TMEFF2: variants seen among roughly 807,000 people sequenced by gnomAD.
TMEFF2 encodes tomoregulin-2.
A neutral mutation model predicts 53.8 loss-of-function variants in TMEFF2; 28 were observed. The ratio of observed to expected loss-of-function variants is 0.52; its 90% CI spans 0.39 to 0.71. The LOEUF (loss-of-function observed/expected upper bound fraction) is 0.71. TMEFF2 is among the 30% of genes least tolerant of loss of function. The pLI is 0.00. For synonymous variants in TMEFF2, 162 were observed against 166.3 expected (o/e 0.97, Z 0.20); for missense variants, 353 against 455.2 (o/e 0.78, Z 2.04).
intron 4 of TMEFF2, among the ~76,000 whole-genome samples, chr2:192,077,490 T>C (rs1457645220): frequency 6.6e-6 from 1 of 152,164 alleles, no homozygotes; most frequent in African/African-American, 2.4e-5. Context: ...TTTATTTTTT[T>C]TCTTCCTCAA....
At chr2:192,072,609 T>A (rs968512456) in intron 4 of TMEFF2, among the ~76,000 whole-genome samples, 1 of 151,816 alleles carries the variant, frequency 6.6e-6, no homozygotes, top group Non-Finnish European at 1.5e-5. Context: ...CTGAAAAATA[T>A]GTGGTGTGAT....
chr2:192,116,934 G>A lies in TMEFF2; in HGVS notation c.440-59159C>T, dbSNP rs1235536989. 2.4e-5 allele frequency among the ~76,000 whole-genome samples: 3 copies of A among 124,192 alleles called. No homozygotes were observed. The South Asian group carries it at 8.3e-4, about 34-fold the overall frequency. 81.5% of individuals were successfully genotyped at this position (124,192 alleles called of 152,430 possible). ...ACATCTATGGCTCAATAGTCATTCA[G>A]AACAATGACATCTTATTTATATAGC... On this transcript the variant is annotated intron_variant, in intron 4 of 9. Transcript: ENST00000272771.
chr2:192,126,836 A>G (rs1689689897), intron 4 of TMEFF2, among the ~76,000 whole-genome samples: 1 of 146,724 alleles, frequency 6.8e-6, no homozygotes. Context: ...CTACAAAAAC[A>G]AAACAAAACA....
intron 5 of TMEFF2, among the ~76,000 whole-genome samples, chr2:192,033,629 A>G (rs1477210795): frequency 1.3e-5 from 2 of 151,702 alleles, no homozygotes; most frequent in African/African-American, 4.8e-5. Context: ...CCATCCATCA[A>G]TCCATCCAAA....
At position 191,950,346 on chromosome 2, in the gene TMEFF2, C is replaced by G. The variant is rs368718191; in HGVS notation, c.1090G>C (p.Asp364His). ...QKQNTGHYSS[D>H]NTTRASTRLI is the part of the protein sequence containing the mutation. The stretch of plus-strand genomic sequence containing the variant: ...CTCGTGGACGCTCTTGTTGTATTGT[C>G]TGAACTGTAGTGCCCTGTATTTTGC... Residue 364 changes from aspartate to histidine, a missense_variant, in exon 10 of 10, where the codon GAC becomes CAC. This residue lies in a region of TMEFF2 where 294 missense variants were observed against 397.3 expected (regional missense o/e 0.74). Transcript: ENST00000272771. 2 of 1,613,602 alleles carry G rather than the reference C, an allele frequency of 1.2e-6. No homozygotes were observed. Among genetic ancestry groups the G allele is most frequent in the African/African-American group, 2.7e-5 (2 of 74,816 alleles).
intron 2 of TMEFF2, among the ~76,000 whole-genome samples, chr2:192,190,858 T>C (rs1381217345): frequency 7.0e-6 from 1 of 143,402 alleles, no homozygotes; most frequent in Non-Finnish European, 1.5e-5. Flanking sequence ...AGGTCTAAAT[T>C]TGAGTTTATT....
Position 191,949,076 on chromosome 2 carries a change from A to C in TMEFF2, c.*1235T>G. 1.0e-6 allele frequency: 1 copy of C among 985,084 alleles called. No homozygotes were observed. The highest frequency in any genetic ancestry group is 1.2e-6 in the Non-Finnish European group (1 of 829,746). 61.0% of individuals were successfully genotyped at this position (985,084 alleles called of 1,614,324 possible). ...AGGAGACAAAGAGAGCTTTATTTAA[A>C]TTTACTGTGTTAGCCATGGAAAGCT... On this transcript the variant is annotated 3_prime_UTR_variant, in exon 10 of 10. Transcript: ENST00000272771.
intron 4 of TMEFF2, among the ~76,000 whole-genome samples, chr2:192,092,798 C>T (rs1255265287): frequency 2.0e-5 from 3 of 152,008 alleles, no homozygotes; most frequent in Non-Finnish European, 4.4e-5. Context: ...GGATGAAGGG[C>T]TATGAACCAA....
In TMEFF2 at chr2:191,949,116, G is replaced by GA. The variant is rs1691788790; in HGVS notation, c.*1194dup. 14 of 984,908 alleles carry GA rather than the reference G, an allele frequency of 1.4e-5. No homozygotes were observed. The highest frequency in any genetic ancestry group is 1.6e-5 in the Non-Finnish European group (13 of 829,730). The allele number at this position is 984,908 out of a possible 1,614,324, so 61.0% of individuals were successfully genotyped here. On this transcript the variant is annotated 3_prime_UTR_variant, in exon 10 of 10. Coordinates refer to ENST00000272771, the MANE Select transcript of TMEFF2 (RefSeq NM_016192.4). ...CATGGAAAGCTTTGCAGAGCTAAAT[G>GA]ATAATAATTGATTTATTTTCATCTT...
chr2:192,088,847 C>CA, intron 4 of TMEFF2, among the ~76,000 whole-genome samples: 1 of 152,114 alleles, frequency 6.6e-6, no homozygotes, highest in Admixed American at 6.6e-5. Flanking sequence ...ACCCTTGTCC[C>CA]TTCTTACAGA....
intron 7 of TMEFF2, among the ~76,000 whole-genome samples, chr2:191,991,698 T>C (rs1423854270): frequency 1.3e-5 from 2 of 152,054 alleles, no homozygotes; most frequent in African/African-American, 4.8e-5. Flanking sequence ...CACTGCAAGG[T>C]GAACGATTTG....
intron 2 of TMEFF2, among the ~76,000 whole-genome samples, chr2:192,191,041 A>C (rs1180813450): frequency 1.3e-5 from 2 of 152,160 alleles, no homozygotes; most frequent in Non-Finnish European, 2.9e-5. Context: ...CTATTAGTAC[A>C]ACATCCATGC....
At position 192,008,869 on chromosome 2, in the gene TMEFF2, C is replaced by CT. The variant is rs1263730616; in HGVS notation, c.537-9662dup. 5.3e-5 allele frequency among the ~76,000 whole-genome samples: 8 copies of CT among 152,256 alleles called. No homozygotes were observed. The South Asian group carries it at 8.3e-4, about 16-fold the overall frequency. On this transcript the variant is annotated intron_variant, in intron 5 of 9. Transcript: ENST00000272771. ...TGTTATGCTTTCACTTGACAAAAGG[C>CT]TTTTAGGAGTAAATGTGTATGAACA...
chr2:192,122,058 C>T (rs1323850430), intron 4 of TMEFF2, among the ~76,000 whole-genome samples: 4 of 151,786 alleles, frequency 2.6e-5, no homozygotes, highest in Non-Finnish European at 5.9e-5. Context: ...TGAATATTCC[C>T]AACTCAAAGA....
chr2:192,120,810 C>T (rs1689533127), intron 4 of TMEFF2, among the ~76,000 whole-genome samples: 1 of 151,878 alleles, frequency 6.6e-6, no homozygotes, highest in Non-Finnish European at 1.5e-5. Flanking sequence ...AATCTCAGCT[C>T]ACCACAACCT....
At chr2:192,150,226 T>C (rs1690351440) in intron 4 of TMEFF2, among the ~76,000 whole-genome samples, 1 of 151,886 alleles carries the variant, frequency 6.6e-6, no homozygotes, top group African/African-American at 2.4e-5. Flanking sequence ...TAAAAAAATA[T>C]ACAAACAAGG....
At chr2:192,068,225 G>A (rs563508288) in intron 4 of TMEFF2, among the ~76,000 whole-genome samples, 9 of 151,950 alleles carry the variant, frequency 5.9e-5, no homozygotes, top group East Asian at 1.9e-4. Context: ...ACTCTAAGGC[G>A]TTATCATTAA....
intron 4 of TMEFF2, among the ~76,000 whole-genome samples, chr2:192,164,219 C>T (rs567599380): frequency 8.2e-4 from 125 of 152,276 alleles, no homozygotes; most frequent in African/African-American, 2.9e-3. Flanking sequence ...CTTTCCTGCT[C>T]ATTCACTATG....
chr2:192,186,217 T>C (rs1691307741), intron 2 of TMEFF2, among the ~76,000 whole-genome samples: 1 of 152,220 alleles, frequency 6.6e-6, no homozygotes, highest in South Asian at 2.1e-4. Context: ...AGGTGATACC[T>C]GTGTAAGCAC....
Sources: allele counts gnomAD v4.1 joint callset (sites outside exome capture counted in the v4.1 genomes callset), GRCh38; gene constraint gnomAD v4.1.1; regional missense constraint gnomAD v4.1.1; transcripts MANE v1.5; gene names NCBI Gene and HGNC (gene_info 2026-07-23, HGNC 2026-07-21).